The following ACBD6 variants were observed in gnomAD, a reference collection of about 807,000 sequenced individuals.
ACBD6 encodes acyl-CoA-binding domain-containing protein 6.
In ACBD6, 28 loss-of-function variants were observed where a neutral mutation model predicts 37.2. The ratio of observed to expected loss-of-function variants is 0.75; its 90% confidence interval spans 0.56 to 1.03. ACBD6 has a LOEUF of 1.03. Among genes scored for constraint, ACBD6 ranks in the 50% least tolerant of loss-of-function variants. The probability of loss-of-function intolerance (pLI) is 0.00; values close to 1 mark genes in which losing one functional copy is unlikely to be tolerated. For missense variants in ACBD6, 340 were observed against 337.4 expected (o/e 1.01, Z -0.06); for synonymous variants, 113 against 126.8 (o/e 0.89, Z 0.73).
At chr1:180,361,798 C>T (rs74132472) in intron 6 of ACBD6, among the ~76,000 whole-genome samples, 6,616 of 152,256 alleles carry the variant, frequency 0.043, 454 homozygotes, top group African/African-American at 0.14. Flanking sequence ...GGATTACATA[C>T]ATCCTTAGAA....
intron 6 of ACBD6, among the ~76,000 whole-genome samples, chr1:180,361,003 T>G (rs533816433): frequency 6.6e-6 from 1 of 152,278 alleles, no homozygotes; most frequent in South Asian, 2.1e-4. Context: ...TGAATTTTTT[T>G]TACTGCACAG....
intron 6 of ACBD6, among the ~76,000 whole-genome samples, chr1:180,396,615 T>C (rs1484239581): frequency 6.6e-6 from 1 of 151,918 alleles, no homozygotes; most frequent in Non-Finnish European, 1.5e-5. Context: ...GACAAATCAC[T>C]TTAAAATGGG....
At chr1:180,467,219 A>G (rs935890410) in intron 3 of ACBD6, among the ~76,000 whole-genome samples, 1 of 152,062 alleles carries the variant, frequency 6.6e-6, no homozygotes, top group Non-Finnish European at 1.5e-5. Context: ...AGCTGGGACT[A>G]CAGACACATG....
At chr1:180,274,676 T>C (rs145063714) in exon 10 of ACBD6, 2 of 1,363,982 alleles carry the variant, frequency 1.5e-6, no homozygotes, top group African/African-American at 1.4e-5. Context: ...AGTACGCCAA[T>C]GTGAATTTCC....
At chr1:180,289,222 T>G (rs1649609304) in intron 7 of ACBD6, among the ~76,000 whole-genome samples, 1 of 152,120 alleles carries the variant, frequency 6.6e-6, no homozygotes, top group Non-Finnish European at 1.5e-5. Context: ...TATGAAAACT[T>G]AATTCATGAC....
At chr1:180,359,436 A>C (rs1652761053) in intron 6 of ACBD6, among the ~76,000 whole-genome samples, 1 of 152,190 alleles carries the variant, frequency 6.6e-6, no homozygotes, top group African/African-American at 2.4e-5. Context: ...TTTGAGGATG[A>C]CATGAAATCA....
intron 3 of ACBD6, among the ~76,000 whole-genome samples, chr1:180,488,685 C>T (rs1651370937): frequency 6.6e-6 from 1 of 152,042 alleles, no homozygotes; most frequent in Non-Finnish European, 1.5e-5. Context: ...ATGGATTCTC[C>T]CACCTCAGTC....
intron 3 of ACBD6, among the ~76,000 whole-genome samples, chr1:180,490,769 G>C (rs1651464063): frequency 6.8e-6 from 1 of 146,566 alleles, no homozygotes; most frequent in South Asian, 2.2e-4. Context: ...CTGGGCGACA[G>C]AGTGAGACTC....
chr1:180,394,963 C>T (rs1042310795), intron 6 of ACBD6, among the ~76,000 whole-genome samples: 1 of 151,918 alleles, frequency 6.6e-6, no homozygotes, highest in Admixed American at 6.6e-5. Flanking sequence ...AGAAAAATAC[C>T]ATCAATACAA....
At chr1:180,485,633 C>T (rs1328822191) in intron 3 of ACBD6, among the ~76,000 whole-genome samples, 1 of 152,220 alleles carries the variant, frequency 6.6e-6, no homozygotes, top group African/African-American at 2.4e-5. Flanking sequence ...GCTCTACTAA[C>T]ACCTTCTTTC....
intron 3 of ACBD6, 90 bp from the exon 4 acceptor site, chr1:180,430,352 A>AT: frequency 1.8e-6 from 2 of 1,139,804 alleles, no homozygotes. Context: ...TTTTGCTAAG[A>AT]AAGACTAAGG....
intron 3 of ACBD6, among the ~76,000 whole-genome samples, chr1:180,456,657 A>G (rs895088503): frequency 6.6e-6 from 1 of 152,222 alleles, no homozygotes; most frequent in Admixed American, 6.5e-5. Flanking sequence ...ATTTCCACCT[A>G]TACTTTCCAA....
At chr1:180,399,191 T>C (rs944948951) in intron 5 of ACBD6, among the ~76,000 whole-genome samples, 2 of 152,228 alleles carry the variant, frequency 1.3e-5, no homozygotes, top group Admixed American at 6.5e-5. Flanking sequence ...GGTCAAATCA[T>C]TCACAATTTA....
intron 5 of ACBD6, among the ~76,000 whole-genome samples, chr1:180,406,801 T>C (rs1053634638): frequency 6.6e-6 from 1 of 152,136 alleles, no homozygotes; most frequent in Admixed American, 6.5e-5. Context: ...CAGAGAATCT[T>C]AGGGAATCAG....
chr1:180,486,807 C>G (rs1651284149), intron 3 of ACBD6, among the ~76,000 whole-genome samples: 1 of 152,048 alleles, frequency 6.6e-6, no homozygotes, highest in South Asian at 2.1e-4. Context: ...ACCACCTTAC[C>G]CAAGTGATCA....
At chr1:180,473,018 T>C (rs1650627161) in intron 3 of ACBD6, among the ~76,000 whole-genome samples, 1 of 152,066 alleles carries the variant, frequency 6.6e-6, no homozygotes, top group African/African-American at 2.4e-5. Flanking sequence ...ATAAAACATA[T>C]ACAAGTGAAA....
chr1:180,384,942 T>TAA (rs1039987621), intron 6 of ACBD6, among the ~76,000 whole-genome samples: 2 of 152,094 alleles, frequency 1.3e-5, no homozygotes, highest in African/African-American at 4.8e-5. Context: ...ATGTAGGAGC[T>TAA]AAAAAAGTTG....
intron 4 of ACBD6, among the ~76,000 whole-genome samples, chr1:180,419,372 C>G (rs12124483): frequency 2.1e-3 from 321 of 152,264 alleles, no homozygotes; most frequent in Non-Finnish European, 3.8e-3. Flanking sequence ...TCCTATGAAT[C>G]TTATAATCTG....
chr1:180,389,655 T>C lies in ACBD6; in HGVS notation c.663+7861A>G, dbSNP rs1043528312. Among the ~76,000 whole-genome samples, 729 of 152,300 alleles carry C rather than the reference T, an allele frequency of 4.8e-3. 3 individuals are homozygous for C. Among genetic ancestry groups the C allele is most frequent in the African/African-American group, 9.9e-3 (413 of 41,554 alleles). On this transcript the variant is annotated intron_variant, in intron 6 of 7. Coordinates refer to ENST00000367595, the MANE Select transcript of ACBD6 (RefSeq NM_032360.4). ...TGTTCCTATTTCTCCACATCCTCTC[T>C]AGCACCTGTTGTTTCCTGATTTTTT...
Sources: gnomAD v4.1 joint callset for allele counts (sites outside exome capture counted in the v4.1 genomes callset) on GRCh38, gnomAD v4.1.1 for gene constraint, MANE v1.5 for transcripts, NCBI Gene and HGNC (gene_info 2026-07-23, HGNC 2026-07-21) for gene names.